Variants in MPP7 observed in about 807,000 individuals in gnomAD.
The protein encoded by MPP7 is MAGUK p55 subfamily member 7.
MPP7 carries 60 observed loss-of-function variants against 76.5 expected under a neutral mutation model. That is an observed-to-expected ratio of 0.78 (90% CI 0.64 to 0.97). MPP7 has a LOEUF of 0.97. MPP7 is among the 50% of genes least tolerant of loss of function. The pLI is 0.00. For synonymous variants in MPP7, 237 were observed against 244.5 expected (o/e 0.97, Z 0.29); for missense variants, 641 against 694.0 (o/e 0.92, Z 0.86).
intron 11 of MPP7, among the ~76,000 whole-genome samples, chr10:28,111,857 TCTAA>T (rs1250014659): frequency 6.6e-6 from 1 of 152,112 alleles, no homozygotes; most frequent in Non-Finnish European, 1.5e-5. Flanking sequence ...CAGAGGCAAA[TCTAA>T]CTATGAGTCA....
At chr10:28,243,701 G>T (rs997881911) in intron 1 of MPP7, among the ~76,000 whole-genome samples, 1 of 152,030 alleles carries the variant, frequency 6.6e-6, no homozygotes, top group African/African-American at 2.4e-5. Context: ...ACAGATCTCT[G>T]TAAGTTCAGT....
At chr10:28,146,969 T>C (rs1835730072) in intron 5 of MPP7, among the ~76,000 whole-genome samples, 1 of 152,188 alleles carries the variant, frequency 6.6e-6, no homozygotes, top group African/African-American at 2.4e-5. Context: ...AATTGAAATC[T>C]GTCTGCCAAT....
chr10:28,131,149 A>G (rs1331876813), intron 6 of MPP7, among the ~76,000 whole-genome samples: 1 of 152,204 alleles, frequency 6.6e-6, no homozygotes, highest in African/African-American at 2.4e-5. Flanking sequence ...TGTTTACTTC[A>G]CTGAGACTTC....
intron 2 of MPP7, among the ~76,000 whole-genome samples, chr10:28,318,588 G>A: frequency 6.6e-6 from 1 of 152,292 alleles, no homozygotes; most frequent in East Asian, 1.9e-4. Flanking sequence ...AGGAGGCTGA[G>A]GCAGGAGAAT....
chr10:28,237,439 C>T (rs1839114188), intron 2 of MPP7, among the ~76,000 whole-genome samples: 1 of 151,880 alleles, frequency 6.6e-6, no homozygotes, highest in Non-Finnish European at 1.5e-5. Flanking sequence ...CTGACAAAAA[C>T]GAATCCTCAA....
chr10:28,146,131 C>G (rs1156467948), intron 5 of MPP7, among the ~76,000 whole-genome samples: 1 of 152,120 alleles, frequency 6.6e-6, no homozygotes, highest in Non-Finnish European at 1.5e-5. Context: ...CAGTCTAAGA[C>G]CAAATGAAGA....
chr10:28,266,890 C>T (rs1840165381), intron 1 of MPP7, among the ~76,000 whole-genome samples: 1 of 152,170 alleles, frequency 6.6e-6, no homozygotes, highest in East Asian at 1.9e-4. Flanking sequence ...GCAGTAAGTG[C>T]TCAATAAGTG....
At chr10:28,070,617 G>T (rs1359279551) in intron 12 of MPP7, among the ~76,000 whole-genome samples, 1 of 152,148 alleles carries the variant, frequency 6.6e-6, no homozygotes, top group African/African-American at 2.4e-5. Flanking sequence ...ATTTACATGT[G>T]CTGAGACCTT....
chr10:28,140,528 A>C (rs538185334), intron 5 of MPP7, among the ~76,000 whole-genome samples: 1 of 152,242 alleles, frequency 6.6e-6, no homozygotes, highest in South Asian at 2.1e-4. Flanking sequence ...AAGAAAAAAA[A>C]ATAGAATTGA....
upstream of MPP7, among the ~76,000 whole-genome samples, chr10:28,306,484 CA>C (rs1428746937): frequency 2.6e-5 from 4 of 151,982 alleles, no homozygotes; most frequent in African/African-American, 9.7e-5. Context: ...GACATCTTTA[CA>C]AAAAATTTAA....
At chr10:28,142,901 T>G (rs536400252) in intron 5 of MPP7, among the ~76,000 whole-genome samples, 59 of 152,330 alleles carry the variant, frequency 3.9e-4, no homozygotes, top group Middle Eastern at 3.4e-3. Flanking sequence ...GTACAAACAT[T>G]ATGTATGCCC....
intron 2 of MPP7, among the ~76,000 whole-genome samples, chr10:28,217,812 G>C (rs543922352): frequency 6.6e-6 from 1 of 152,302 alleles, no homozygotes; most frequent in Admixed American, 6.5e-5. Context: ...TGTCATGTTT[G>C]TCAAACAATA....
At chr10:28,099,442 G>C (rs1479603521) in intron 11 of MPP7, among the ~76,000 whole-genome samples, 1 of 152,142 alleles carries the variant, frequency 6.6e-6, no homozygotes, top group Non-Finnish European at 1.5e-5. Flanking sequence ...TTGATAGCAT[G>C]GGAAAAGAGG....
At chr10:28,161,339 C>T (rs1836255704) in intron 3 of MPP7, among the ~76,000 whole-genome samples, 2 of 151,554 alleles carry the variant, frequency 1.3e-5, no homozygotes, top group South Asian at 4.2e-4. Context: ...ACAGCGTTCC[C>T]CACCCCCTCC....
chr10:28,173,389 G>A (rs1209875125), intron 3 of MPP7, among the ~76,000 whole-genome samples: 2 of 152,102 alleles, frequency 1.3e-5, no homozygotes, highest in Non-Finnish European at 2.9e-5. Context: ...TAAATAGATG[G>A]ATAAAGAATT....
At chr10:28,075,903 C>G (rs751145481) in intron 12 of MPP7, among the ~76,000 whole-genome samples, 1 of 152,164 alleles carries the variant, frequency 6.6e-6, no homozygotes, top group Non-Finnish European at 1.5e-5. Flanking sequence ...ACAACGGCTT[C>G]CCTAGCTGGC....
rs777936736 is a variant in MPP7, at chr10:28,054,161, A to G, written c.1635T>C (p.Asn545=). Residue 545 remains asparagine (N), a synonymous_variant, in exon 17 of 17, where the codon AAT becomes AAC. Transcript: ENST00000683449. Reference sequence around the variant, plus strand: ...CATTGAATGCCACAGTGAGGTCATCATTTATTATAATTTTGTCAAAAAGAT... The same window carrying G: ...CATTGAATGCCACAGTGAGGTCATCGTTTATTATAATTTTGTCAAAAAGAT... ...YGHLFDKIII[N]DDLTVAFNEL... is the part of the protein sequence containing the mutation. 9 of 1,608,038 alleles carry G rather than the reference A, an allele frequency of 5.6e-6. No homozygotes were observed. The highest frequency in any genetic ancestry group is 1.8e-4 in the Middle Eastern group (1 of 5,470).
chr10:28,149,413 G>A (rs2133771354), intron 4 of MPP7, among the ~76,000 whole-genome samples: 1 of 152,182 alleles, frequency 6.6e-6, no homozygotes, highest in African/African-American at 2.4e-5. Context: ...TAAAATTATA[G>A]CTACAGGAAA....
chr10:28,223,625 T>C (rs967395828), intron 2 of MPP7, among the ~76,000 whole-genome samples: 1 of 152,112 alleles, frequency 6.6e-6, no homozygotes, highest in African/African-American at 2.4e-5. Flanking sequence ...TATTGAGCCA[T>C]ACATTCTACT....
Sources: gnomAD v4.1 joint callset for allele counts (sites outside exome capture counted in the v4.1 genomes callset) on GRCh38, gnomAD v4.1.1 for gene constraint, MANE v1.5 for transcripts, NCBI Gene and HGNC (gene_info 2026-07-23, HGNC 2026-07-21) for gene names.